The following PMS1 variants were observed in gnomAD, a reference collection of about 807,000 sequenced individuals.
PMS1 encodes the protein PMS1 protein homolog 1.
PMS1 carries 79 observed loss-of-function variants against 93.1 expected under a neutral mutation model. That is an observed-to-expected ratio of 0.85 (90% confidence interval 0.71 to 1.02). PMS1 has a LOEUF of 1.02. Ranked by LOEUF, PMS1 falls within the 50% of genes least tolerant of loss-of-function variation. PMS1 has a pLI of 0.00. For synonymous variants in PMS1, 335 were observed against 363.4 expected, an observed-to-expected ratio of 0.92 and a Z score of 0.89; for missense variants, 1,064 against 1,085.3, an observed-to-expected ratio of 0.98 and a Z score of 0.28.
rs796374185 is a variant in PMS1 at position 189,864,232 on chromosome 2, T to C, written c.2342+4T>C. 6.3e-7 allele frequency: 1 copy of C among 1,579,984 alleles called. No individual in the cohort carries two copies. The highest frequency in any genetic ancestry group is 1.1e-5 in the South Asian group (1 of 90,220). ...AGCCAATTATGTTAACAGAGAGGTA[T>C]GATGATACAATACTTTTTAAGAGTA... On this transcript the variant is annotated splice_donor_region_variant and intron_variant, in intron 10 of 12. Transcript: ENST00000441310.
intron 11 of PMS1, 36 bp from the exon 12 acceptor site, chr2:189,873,460 G>A: frequency 7.0e-7 from 1 of 1,436,992 alleles, no homozygotes; most frequent in Non-Finnish European, 9.8e-7. Context: ...TCTGGAATAT[G>A]AACTTAACTA....
At chr2:189,816,295 C>T (rs771909921) in intron 4 of PMS1, among the ~76,000 whole-genome samples, 22 of 152,108 alleles carry the variant, frequency 1.4e-4, no homozygotes, top group Non-Finnish European at 2.2e-4. Flanking sequence ...TTTGCAAGTC[C>T]AAAAATGTCT....
intron 2 of PMS1, among the ~76,000 whole-genome samples, chr2:189,792,459 C>T (rs1461432543): frequency 1.3e-5 from 2 of 151,614 alleles, no homozygotes. Context: ...ATTTTTGTGT[C>T]CTCTGTACCT....
Position 189,811,988 on chromosome 2 carries a change from A to G in PMS1, c.419-6029A>G, listed in dbSNP as rs1233268. ...ATAGAAGTCCAAAGAAAATGGAATG[A>G]CATCTTTTAAGTTTTTAAATTTAAA... On this transcript the variant is annotated intron_variant, in intron 4 of 12. Coordinates refer to ENST00000441310, the MANE Select transcript of PMS1 (RefSeq NM_000534.5). 2.9e-3 allele frequency among the ~76,000 whole-genome samples: 438 copies of G among 152,338 alleles called. 3 individuals carry two copies. The highest frequency in any genetic ancestry group is 0.01 in the African/African-American group (428 of 41,572).
At chr2:189,788,400 T>C (rs776279634) in intron 1 of PMS1, among the ~76,000 whole-genome samples, 4 of 152,156 alleles carry the variant, frequency 2.6e-5, no homozygotes, top group Non-Finnish European at 5.9e-5. Context: ...TACTACTTTA[T>C]TTACTTCTCA....
In PMS1 at chr2:189,862,972, G is replaced by A. The variant is rs745896419; in HGVS notation, c.1857-771G>A. On this transcript the variant is annotated intron_variant, in intron 9 of 12. Coordinates refer to ENST00000441310, the MANE Select transcript of PMS1 (RefSeq NM_000534.5). ...TCTTTCTCAATTTTCAGTTGTTCTGGAAGCAGACAGCTCTGTGTCCTGGTG... is the reference window on the plus strand; with the variant it reads ...TCTTTCTCAATTTTCAGTTGTTCTGAAAGCAGACAGCTCTGTGTCCTGGTG... Among the ~76,000 whole-genome samples the A allele has an allele frequency of 2.0e-5, 3 of 152,114 alleles. No individual in the cohort carries two copies. The South Asian group carries it at 6.2e-4, about 32-fold the overall frequency.
intron 9 of PMS1, among the ~76,000 whole-genome samples, chr2:189,863,287 T>G (rs1364016895): frequency 1.3e-5 from 2 of 151,096 alleles, no homozygotes; most frequent in African/African-American, 4.9e-5. Context: ...AGAGTCTTGC[T>G]CTGTCGCCCA....
intron 5 of PMS1, among the ~76,000 whole-genome samples, chr2:189,836,281 A>G (rs2053377690): frequency 6.6e-6 from 1 of 152,210 alleles, no homozygotes; most frequent in Admixed American, 6.5e-5. Flanking sequence ...CAAACCTAAG[A>G]TGGTGTGCAT....
chr2:189,829,556 A>G (rs1038167620), intron 5 of PMS1, among the ~76,000 whole-genome samples: 2 of 152,006 alleles, frequency 1.3e-5, no homozygotes, highest in Non-Finnish European at 1.5e-5. Flanking sequence ...TTCTCACTTA[A>G]TTGTACTTGT....
intron 10 of PMS1, among the ~76,000 whole-genome samples, chr2:189,865,384 A>C (rs1055321442): frequency 4.6e-5 from 7 of 152,070 alleles, no homozygotes; most frequent in African/African-American, 1.7e-4. Flanking sequence ...ATTGGGGGTT[A>C]ATTAAACATG....
chr2:189,828,887 G>GAAAA (rs35103661), intron 5 of PMS1, among the ~76,000 whole-genome samples: 1 of 117,860 alleles, frequency 8.5e-6, no homozygotes, highest in African/African-American at 2.9e-5. Context: ...GTGTGTCTCT[G>GAAAA]AAAAAAAAAA....
At chr2:189,789,365 GA>G (rs1276277494) in intron 1 of PMS1, among the ~76,000 whole-genome samples, 1 of 152,128 alleles carries the variant, frequency 6.6e-6, no homozygotes, top group African/African-American at 2.4e-5. Context: ...TTGATTTATG[GA>G]GGGATTTCAG....
rs769876795 is a variant in PMS1, at chr2:189,854,916, A to G, written c.1644A>G (p.Lys548=). 1.2e-6 allele frequency: 2 copies of G among 1,604,280 alleles called. No homozygotes were observed. Among genetic ancestry groups the G allele is most frequent in the African/African-American group, 2.7e-5 (2 of 74,550 alleles). The change falls in exon 9 of 13, where the codon AAA becomes AAG. Residue 548 remains lysine, a synonymous_variant. Transcript: ENST00000441310. ...ATCTTAATGAAGATTCATGTAACAA[A>G]AAATCAAATGTAATAGATAATAAAT... ...QMNLNEDSCN[K]KSNVIDNKSG...
At chr2:189,844,891 T>G (rs2054128377) in intron 6 of PMS1, among the ~76,000 whole-genome samples, 1 of 151,984 alleles carries the variant, frequency 6.6e-6, no homozygotes, top group South Asian at 2.1e-4. Flanking sequence ...AGAGTCTCAC[T>G]CTGTCACCCA....
intron 5 of PMS1, among the ~76,000 whole-genome samples, chr2:189,828,625 T>C (rs1386783330): frequency 6.6e-6 from 1 of 152,116 alleles, no homozygotes; most frequent in Non-Finnish European, 1.5e-5. Context: ...ATTAAAATAG[T>C]TAAAAATCAT....
At chr2:189,828,976 A>ATCTT (rs1158354398) in intron 5 of PMS1, among the ~76,000 whole-genome samples, 3 of 152,032 alleles carry the variant, frequency 2.0e-5, no homozygotes, top group Non-Finnish European at 2.9e-5. Context: ...CCTGCCTCAA[A>ATCTT]TCTTTTAGCA....
intron 5 of PMS1, among the ~76,000 whole-genome samples, chr2:189,834,658 C>A (rs1439026665): frequency 6.6e-6 from 1 of 152,162 alleles, no homozygotes; most frequent in East Asian, 1.9e-4. Context: ...AGAAATGAGT[C>A]TCAACAATAT....
chr2:189,816,595 G>C (rs994660165), intron 4 of PMS1, among the ~76,000 whole-genome samples: 2 of 152,040 alleles, frequency 1.3e-5, no homozygotes, highest in Non-Finnish European at 1.5e-5. Flanking sequence ...TTTTCTTCTA[G>C]TATTTATTTA....
chr2:189,868,960 T>A (rs546337647), intron 11 of PMS1, among the ~76,000 whole-genome samples: 1 of 152,196 alleles, frequency 6.6e-6, no homozygotes. Flanking sequence ...CAACTAATAA[T>A]TATTGAATAA....
Sources: gnomAD v4.1 joint callset for allele counts (sites outside exome capture counted in the v4.1 genomes callset) on GRCh38, gnomAD v4.1.1 for gene constraint, MANE v1.5 for transcripts, NCBI Gene and HGNC (gene_info 2026-07-23, HGNC 2026-07-21) for gene names.